VPS13A: variants seen among roughly 807,000 people sequenced by gnomAD.
VPS13A encodes vacuolar protein sorting 13 homolog A.
Under a neutral mutation model 390.9 loss-of-function variants are expected in VPS13A, and 264 were observed. The observed-to-expected ratio is 0.68, with a 90% CI of 0.61 to 0.75. VPS13A has a LOEUF of 0.75. Ranked by LOEUF, VPS13A falls within the 30% of genes least tolerant of loss-of-function variation. The pLI is 0.00. For synonymous variants in VPS13A, 1,231 were observed against 1,227.1 expected, an observed-to-expected ratio of 1.00 and a Z score of -0.07; for missense variants, 3,409 against 3,733.9, an observed-to-expected ratio of 0.91 and a Z score of 2.27.
chr9:77,328,454 A>G (rs956177533), intron 45 of VPS13A, among the ~76,000 whole-genome samples: 2 of 152,224 alleles, frequency 1.3e-5, no homozygotes, highest in Non-Finnish European at 2.9e-5. Context: ...AGAGATTCAG[A>G]CTGTCCTTCG....
At chr9:77,316,946 GAC>G (rs1829432007) in intron 39 of VPS13A, among the ~76,000 whole-genome samples, 1 of 150,034 alleles carries the variant, frequency 6.7e-6, no homozygotes, top group Non-Finnish European at 1.5e-5. Context: ...TTCCTTTACA[GAC>G]ATCTTTTCAA....
At chr9:77,399,201 AAAAAC>A (rs1247313057) in intron 68 of VPS13A, among the ~76,000 whole-genome samples, 1,423 of 98,952 alleles carry the variant, frequency 0.014, 21 homozygotes, top group East Asian at 0.038. Flanking sequence ...AAAAAAAAAA[AAAAAC>A]AAAGGATACG....
At position 77,309,762 on chromosome 9, in the gene VPS13A, C is replaced by G. The variant is rs558189274; in HGVS notation, c.4114+1664C>G. Among the ~76,000 whole-genome samples, 65 of 152,100 alleles carry G rather than the reference C, an allele frequency of 4.3e-4. No homozygotes were observed. In the East Asian group the frequency reaches 0.012, roughly 28 times the overall value. ...ACCTAAGTAAATATTGAAGGAAGCT[C>G]TTAGCTATAATGAATCTACTGAGTT... is the stretch of plus-strand genomic sequence containing the variant. On this transcript the variant is annotated intron_variant, in intron 35 of 71. Coordinates refer to ENST00000360280, the MANE Select transcript of VPS13A (RefSeq NM_033305.3).
In VPS13A at chr9:77,293,360, A is replaced by G; in HGVS notation, c.3359A>G (p.Lys1120Arg). 6.2e-7 allele frequency: 1 copy of G among 1,612,790 alleles called. No individual in the cohort carries two copies. Among genetic ancestry groups the G allele is most frequent in the Non-Finnish European group, 8.5e-7 (1 of 1,179,316 alleles). ...ATTAAGGCTGTTTATATCACTGGAA[A>G]AGAAGTTTTCAGCTTCAAAATGGTT... ...IYKKAVYITGKEVFSFKMVSY... is the reference protein window; with the variant it reads ...IYKKAVYITGREVFSFKMVSY... Residue 1120 changes from lysine to arginine, a missense_variant, in exon 32 of 72, where the codon AAA (lysine) becomes AGA (arginine). Coordinates refer to ENST00000360280, the MANE Select transcript of VPS13A (RefSeq NM_033305.3).
intron 68 of VPS13A, among the ~76,000 whole-genome samples, chr9:77,396,758 T>C (rs1834135006): frequency 6.6e-6 from 1 of 152,196 alleles, no homozygotes; most frequent in Non-Finnish European, 1.5e-5. Context: ...AGTTTGTCTA[T>C]TTACTTCTTA....
At chr9:77,351,006 A>G (rs1247364325) in intron 52 of VPS13A, 1 of 322,300 alleles carries the variant, frequency 3.1e-6, no homozygotes, top group Non-Finnish European at 5.9e-6. Context: ...TAGAATTGGT[A>G]TAAATAGGGT....
In VPS13A at chr9:77,359,483, G is replaced by A. The variant is rs7043232; in HGVS notation, c.8105+81G>A. On this transcript the variant is annotated intron_variant, in intron 58 of 71. Coordinates refer to ENST00000360280, the MANE Select transcript of VPS13A (RefSeq NM_033305.3). ...GAATTGTTTGTACTCTTTAAATGTT[G>A]GACAAGTCAAAGATTTAAGCATAAA... is the stretch of plus-strand genomic sequence containing the variant. 705,476 of 1,230,162 alleles carry A rather than the reference G, an allele frequency of 0.57. 207,309 individuals carry two copies. The highest frequency in any genetic ancestry group is 0.89 in the African/African-American group (59,088 of 66,154). The allele number at this position is 1,230,162 out of a possible 1,614,324, so 76.2% of individuals were successfully genotyped here.
intron 68 of VPS13A, among the ~76,000 whole-genome samples, chr9:77,387,067 A>C (rs1257473687): frequency 6.6e-6 from 1 of 152,068 alleles, no homozygotes; most frequent in African/African-American, 2.4e-5. Context: ...TATCTTTTCA[A>C]ACCTCTTGAG....
intron 17 of VPS13A, among the ~76,000 whole-genome samples, chr9:77,232,022 A>G (rs892123557): frequency 6.6e-6 from 1 of 152,176 alleles, no homozygotes; most frequent in Admixed American, 6.6e-5. Context: ...TCCTCAATGA[A>G]CACTCCTGGT....
chr9:77,290,516 T>C (rs1233021031), intron 31 of VPS13A, among the ~76,000 whole-genome samples: 1 of 151,632 alleles, frequency 6.6e-6, no homozygotes, highest in African/African-American at 2.4e-5. Context: ...CTGGCTCCCC[T>C]GTTTTCTCCT....
At chr9:77,190,976 T>C (rs1429600883) in intron 1 of VPS13A, among the ~76,000 whole-genome samples, 1 of 152,152 alleles carries the variant, frequency 6.6e-6, no homozygotes, top group Non-Finnish European at 1.5e-5. Flanking sequence ...TTTTTTTTCT[T>C]TGTTAGTCTG....
chr9:77,308,036 TA>T lies in VPS13A; in HGVS notation c.4054del (p.Thr1352GlnfsTer25). On this transcript the variant is annotated frameshift_variant, in exon 35 of 72. Coordinates refer to ENST00000360280, the MANE Select transcript of VPS13A (RefSeq NM_033305.3). LOFTEE classifies it high-confidence loss of function. ...YEKDGSASPAVTKDQYSATSG... is the reference protein window; with the variant it reads ...YEKDGSASPAXTKDQYSATSG... ...AAAGATGGTAGTGCCTCACCTGCTG[TA>T]ACAAAAGACCAATACAGTGCCACTA... 5 of 1,613,930 alleles carry T rather than the reference TA, an allele frequency of 3.1e-6. No homozygotes were observed. Among genetic ancestry groups the T allele is most frequent in the Non-Finnish European group, 4.2e-6 (5 of 1,179,850 alleles).
chr9:77,350,303 C>T (rs1050111377), intron 52 of VPS13A, among the ~76,000 whole-genome samples: 9 of 152,002 alleles, frequency 5.9e-5, no homozygotes, highest in African/African-American at 2.2e-4. Flanking sequence ...TCATTCAAGG[C>T]CCTTTTGGTA....
chr9:77,391,367 CA>C (rs2131629411), intron 68 of VPS13A, among the ~76,000 whole-genome samples: 1 of 152,282 alleles, frequency 6.6e-6, no homozygotes, highest in Non-Finnish European at 1.5e-5. Flanking sequence ...TGAAAGGATA[CA>C]TTCACTTGCC....
chr9:77,226,568 A>G lies in VPS13A; in HGVS notation c.1327A>G (p.Asn443Asp). ...ATGGTCTTGGTCAGAACAAAATACT[A>G]ATGAACAGCAACCAGATGTTCAACC... ...WLWSWSEQNT[N>D]EQQPDVQPET... The change falls in exon 15 of 72, where the codon AAT (asparagine) becomes GAT (aspartate). Residue 443 changes from asparagine (N) to aspartate (D), a missense_variant. This residue lies in a region of VPS13A where 2,717 missense variants were observed against 2,917.4 expected (regional missense o/e 0.93). Coordinates refer to ENST00000360280, the MANE Select transcript of VPS13A (RefSeq NM_033305.3). 1 of 1,612,946 alleles carries G rather than the reference A, an allele frequency of 6.2e-7. No homozygotes were observed. The highest frequency in any genetic ancestry group is 8.5e-7 in the Non-Finnish European group (1 of 1,179,292).
At chr9:77,364,707 CA>C (rs1832340718) in intron 59 of VPS13A, among the ~76,000 whole-genome samples, 1 of 152,082 alleles carries the variant, frequency 6.6e-6, no homozygotes, top group African/African-American at 2.4e-5. Flanking sequence ...CTTTTCTTAC[CA>C]AATTCTTTAG....
In VPS13A at chr9:77,316,326, A is replaced by G. The variant is rs776150974; in HGVS notation, c.4783A>G (p.Thr1595Ala). ...ICYKGNLENS[T>A]MTAAIKDLQV... ...CTATAAAGGTAACCTTGAAAATAGT[A>G]CAATGACTGCTGCCATTAAAGATCT... Residue 1595 changes from threonine (T) to alanine (A), a missense_variant, in exon 39 of 72, where the codon ACA becomes GCA. Thr to Ala is a moderately conservative substitution (Grantham distance 58, BLOSUM62 0). This residue lies in a region of VPS13A where 2,717 missense variants were observed against 2,917.4 expected (regional missense o/e 0.93). Transcript: ENST00000360280. 1 of 1,613,320 alleles carries G rather than the reference A, an allele frequency of 6.2e-7. No homozygotes were observed. Among genetic ancestry groups the G allele is most frequent in the Non-Finnish European group, 8.5e-7 (1 of 1,179,414 alleles).
intron 13 of VPS13A, among the ~76,000 whole-genome samples, chr9:77,223,342 C>T (rs1407726111): frequency 1.2e-4 from 18 of 152,052 alleles, no homozygotes; most frequent in Admixed American, 8.5e-4. Flanking sequence ...AAGAATCATA[C>T]GTCTCTCACT....
chr9:77,403,359 G>T, intron 69 of VPS13A, 38 bp downstream of exon 69: 1 of 1,525,570 alleles, frequency 6.6e-7, no homozygotes, highest in South Asian at 1.1e-5. Flanking sequence ...TTTTATAAGG[G>T]GTTAACTGAC....
Sources: gnomAD v4.1 joint callset for allele counts (sites outside exome capture counted in the v4.1 genomes callset) on GRCh38, gnomAD v4.1.1 for gene constraint, gnomAD v4.1.1 regional missense constraint, MANE v1.5 for transcripts, NCBI Gene and HGNC (gene_info 2026-07-23, HGNC 2026-07-21) for gene names.